Variants in UBE4B observed in about 807,000 individuals in gnomAD.
The protein encoded by UBE4B is ubiquitination factor E4B, also known as ubiquitin conjugation factor E4 B.
Under a neutral mutation model 148.1 loss-of-function variants are expected in UBE4B, and 27 were observed. That is an observed-to-expected ratio of 0.18 (90% CI 0.13 to 0.25). UBE4B has a LOEUF of 0.25. Ranked by LOEUF, UBE4B falls within the 10% of genes least tolerant of loss-of-function variation. UBE4B has a pLI of 1.00. For missense variants in UBE4B, 1,170 were observed against 1,662.4 expected, an observed-to-expected ratio of 0.70 and a Z score of 5.15; for synonymous variants, 596 against 619.3, an observed-to-expected ratio of 0.96 and a Z score of 0.56.
At position 10,180,083 on chromosome 1, in the gene UBE4B, C is replaced by A. The variant is rs1646485132; in HGVS notation, c.*127C>A. ...TGTGGCAAACCAACCCCAGGCCCAC[C>A]CAGAGCGAGCAAACGCTGAGACCTG... On this transcript the variant is annotated 3_prime_UTR_variant, in exon 28 of 28. Coordinates refer to ENST00000343090, the MANE Select transcript of UBE4B (RefSeq NM_001105562.3). 2.6e-6 allele frequency: 3 copies of A among 1,172,248 alleles called. No individual in the cohort carries two copies. The allele number at this position is 1,172,248 out of a possible 1,614,324, so 72.6% of individuals were successfully genotyped here. A position where few individuals can be genotyped will look rare whatever the true frequency, so the allele number is the denominator to read the frequency against.
rs1459041593 is a variant in UBE4B, at chr1:10,092,400, T to C, written c.212-3061T>C. ...CCGCCACGCCCAGCTAATGTTTGTA[T>C]TTTTAGTAGAGACAGAGTTTCACCA... On this transcript the variant is annotated intron_variant, in intron 2 of 27. Transcript: ENST00000343090. 2.0e-5 allele frequency among the ~76,000 whole-genome samples: 3 copies of C among 151,964 alleles called. No homozygotes were observed. In the East Asian group the frequency reaches 6.0e-4, roughly 30 times the overall value.
At chr1:10,071,177 T>A (rs575014500) in intron 1 of UBE4B, among the ~76,000 whole-genome samples, 2 of 152,328 alleles carry the variant, frequency 1.3e-5, no homozygotes, top group East Asian at 3.9e-4. Flanking sequence ...AGTGCTGGGA[T>A]TACAGGCGTG....
At chr1:10,085,929 A>G (rs1485212259) in intron 2 of UBE4B, among the ~76,000 whole-genome samples, 2 of 152,134 alleles carry the variant, frequency 1.3e-5, no homozygotes, top group East Asian at 3.9e-4. Context: ...AGCTGGGATT[A>G]CAGGCACCCA....
At chr1:10,081,691 C>T (rs1644684365) in intron 2 of UBE4B, among the ~76,000 whole-genome samples, 1 of 151,762 alleles carries the variant, frequency 6.6e-6, no homozygotes, top group African/African-American at 2.4e-5. Flanking sequence ...TGGATTCAAG[C>T]AATTCTCCTG....
Position 10,072,145 on chromosome 1 carries a change from G to A in UBE4B, c.142G>A (p.Gly48Arg), listed in dbSNP as rs575482388. Reference sequence around the variant, plus strand: ...GCCTCCCATAGCGGCATCAGCCCCAGGACCCTCTCAGAGTCTTGGTCTCAA... The same window carrying A: ...GCCTCCCATAGCGGCATCAGCCCCAAGACCCTCTCAGAGTCTTGGTCTCAA... ...PGPPIAASAP[G>R]PSQSLGLNVH... Residue 48 changes from glycine to arginine, a missense_variant, in exon 2 of 28, where the codon GGA (glycine) becomes AGA (arginine). Physicochemically the swap from Gly to Arg is moderately radical, Grantham distance 125. Around this residue, in one of 6 missense-constraint regions of UBE4B, gnomAD observed 127 missense variants for 153.2 expected, o/e 0.83. Transcript: ENST00000343090. 2.2e-5 allele frequency: 36 copies of A among 1,613,802 alleles called. No individual in the cohort carries two copies. The highest frequency in any genetic ancestry group is 3.3e-5 in the Admixed American group (2 of 59,914).
chr1:10,087,439 G>A (rs966681778), intron 2 of UBE4B, among the ~76,000 whole-genome samples: 1 of 152,216 alleles, frequency 6.6e-6, no homozygotes, highest in Non-Finnish European at 1.5e-5. Context: ...GCCTGGATAT[G>A]ATTTTGACTA....
intron 1 of UBE4B, among the ~76,000 whole-genome samples, chr1:10,037,678 C>G (rs992647111): frequency 6.6e-6 from 1 of 152,024 alleles, no homozygotes; most frequent in African/African-American, 2.4e-5. Context: ...CCACCTCAGC[C>G]TCCCAAGCTG....
rs563120688 is a variant in UBE4B at position 10,041,786 on chromosome 1, T to A, written c.24+8092T>A. Among the ~76,000 whole-genome samples, 4 of 152,222 alleles carry A rather than the reference T, an allele frequency of 2.6e-5. 1 individual carries two copies. In the South Asian group the frequency reaches 8.3e-4, roughly 32 times the overall value. On this transcript the variant is annotated intron_variant, in intron 1 of 27. Transcript: ENST00000343090. ...ATCTCTGCTCACTGCAACCTCCGCC[T>A]CCCGAGTTCAAGTGATTCTCCTGCC...
intron 24 of UBE4B, among the ~76,000 whole-genome samples, chr1:10,169,140 C>G (rs1339406778): frequency 1.3e-5 from 2 of 152,112 alleles, no homozygotes; most frequent in Admixed American, 1.3e-4. Flanking sequence ...AACTGAGCAG[C>G]ATCACTGAAG....
At chr1:10,157,018 GA>G (rs1327715337) in intron 21 of UBE4B, among the ~76,000 whole-genome samples, 1 of 150,204 alleles carries the variant, frequency 6.7e-6, no homozygotes, top group Non-Finnish European at 1.5e-5. Context: ...AATTAAAAGT[GA>G]AAAAAAAAAT....
chr1:10,077,461 T>C (rs1404259549), intron 2 of UBE4B, among the ~76,000 whole-genome samples: 1 of 152,214 alleles, frequency 6.6e-6, no homozygotes. Flanking sequence ...TTCTTTGTTT[T>C]TGATCTGCAT....
chr1:10,152,328 G>A (rs199553452), intron 21 of UBE4B, among the ~76,000 whole-genome samples: 20 of 151,504 alleles, frequency 1.3e-4, no homozygotes, highest in Middle Eastern at 3.4e-3. Context: ...TATTTCTTAA[G>A]TTGAAAATAC....
intron 20 of UBE4B, among the ~76,000 whole-genome samples, chr1:10,151,118 G>A (rs556868168): frequency 5.3e-5 from 8 of 151,340 alleles, no homozygotes; most frequent in Middle Eastern, 3.4e-3. Context: ...AGCCGAGATC[G>A]CGCCACTGCA....
chr1:10,180,078 C>A lies in UBE4B; in HGVS notation c.*122C>A. The A allele has an allele frequency of 1.6e-6, 2 of 1,281,294 alleles. No homozygotes were observed. The highest frequency in any genetic ancestry group is 1.1e-6 in the Non-Finnish European group (1 of 904,378). The allele number at this position is 1,281,294 out of a possible 1,614,324, so 79.4% of individuals were successfully genotyped here. A position where few individuals can be genotyped will look rare whatever the true frequency, so the allele number is the denominator to read the frequency against. On this transcript the variant is annotated 3_prime_UTR_variant, in exon 28 of 28. Coordinates refer to ENST00000343090, the MANE Select transcript of UBE4B (RefSeq NM_001105562.3). ...CCAAATGTGGCAAACCAACCCCAGG[C>A]CCACCCAGAGCGAGCAAACGCTGAG...
Position 10,033,598 on chromosome 1 carries a change from C to A in UBE4B, c.-73C>A. The A allele has an allele frequency of 1.4e-6, 2 of 1,442,482 alleles. No homozygotes were observed. The highest frequency in any genetic ancestry group is 1.5e-5 in the South Asian group (1 of 66,768). 89.4% of individuals were successfully genotyped at this position (1,442,482 alleles called of 1,614,324 possible). A position where few individuals can be genotyped will look rare whatever the true frequency, so the allele number is the denominator to read the frequency against. On this transcript the variant is annotated 5_prime_UTR_variant, in exon 1 of 28. Coordinates refer to ENST00000343090, the MANE Select transcript of UBE4B (RefSeq NM_001105562.3). ...GACAGCCTGATAGACACCTTCCACTCTCCTTCCTCCCGCCGTGGTCTCGAG... is the reference window on the plus strand; with the variant it reads ...GACAGCCTGATAGACACCTTCCACTATCCTTCCTCCCGCCGTGGTCTCGAG...
chr1:10,128,339 A>G (rs1168039611), intron 11 of UBE4B: 1 of 152,222 alleles, frequency 6.6e-6, no homozygotes, highest in Admixed American at 6.5e-5. Flanking sequence ...TGCTTGCATA[A>G]TAACGAGGAC....
rs1333656742 is a variant in UBE4B at position 10,130,774 on chromosome 1, G to A, written c.1872G>A (p.Val624=). The change falls in exon 14 of 28, where the codon GTG becomes GTA. Residue 624 remains valine, a synonymous_variant. Coordinates refer to ENST00000343090, the MANE Select transcript of UBE4B (RefSeq NM_001105562.3). The part of the protein sequence containing the change: ...GPAITLENTR[V]VSQSLQHYLE... ...CCATTACCCTGGAAAACACTCGTGTGGTTAGCCAATCATTGCAGCATTACT... is the reference window on the plus strand; with the variant it reads ...CCATTACCCTGGAAAACACTCGTGTAGTTAGCCAATCATTGCAGCATTACT... The A allele has an allele frequency of 6.2e-7, 1 of 1,614,162 alleles. No homozygotes were observed. Among genetic ancestry groups the A allele is most frequent in the Non-Finnish European group, 8.5e-7 (1 of 1,180,038 alleles).
intron 2 of UBE4B, among the ~76,000 whole-genome samples, chr1:10,074,882 T>A (rs183790914): frequency 1.4e-3 from 211 of 152,342 alleles, no homozygotes; most frequent in African/African-American, 4.9e-3. Context: ...TCCTAAGCTT[T>A]TATCTCCAAC....
rs1491483174 is a variant in UBE4B, at chr1:10,090,791, ATT to A, written c.212-4668_212-4667del. 1.5e-3 allele frequency among the ~76,000 whole-genome samples: 158 copies of A among 108,228 alleles called. 1 individual carries two copies. The highest frequency in any genetic ancestry group is 2.9e-4 in the Non-Finnish European group (16 of 54,478). 71.0% of individuals were successfully genotyped at this position (108,228 alleles called of 152,430 possible). ...TACGGTGGAATTTAGAAGCCTATGC[ATT>A]TGTGTGTGTGTGTGTGTGTGTGTGT... On this transcript the variant is annotated intron_variant, in intron 2 of 27. Transcript: ENST00000343090.
Sources: allele counts gnomAD v4.1 joint callset (sites outside exome capture counted in the v4.1 genomes callset), GRCh38; gene constraint gnomAD v4.1.1; regional missense constraint gnomAD v4.1.1; transcripts MANE v1.5; gene names NCBI Gene and HGNC (gene_info 2026-07-23, HGNC 2026-07-21).